The following COL28A1 variants were observed in gnomAD, a reference collection of about 807,000 sequenced individuals.
COL28A1 encodes the protein collagen type XXVIII alpha 1 chain, also known as collagen alpha-1(XXVIII) chain.
A neutral mutation model predicts 150.2 loss-of-function variants in COL28A1; 161 were observed. That is an observed-to-expected ratio of 1.07 (90% confidence interval 0.94 to 1.22). The LOEUF (loss-of-function observed/expected upper bound fraction) is 1.22. Ranked by LOEUF, COL28A1 falls within the 50% of genes most tolerant of loss-of-function variation. The pLI is 0.00. For missense variants in COL28A1, 1,617 were observed against 1,388.3 expected (o/e 1.16, Z -2.62); for synonymous variants, 552 against 469.7 (o/e 1.18, Z -2.26).
At chr7:7,540,234 C>G (rs1165105563), upstream of COL28A1, among the ~76,000 whole-genome samples, 1 of 152,162 alleles carries the variant, frequency 6.6e-6, no homozygotes, top group Non-Finnish European at 1.5e-5. Flanking sequence ...GCAGAGCCTA[C>G]AAATAGAGAA....
chr7:7,497,038 G>A (rs190598329), intron 11 of COL28A1, among the ~76,000 whole-genome samples: 1 of 141,062 alleles, frequency 7.1e-6, no homozygotes, highest in East Asian at 2.5e-4. Context: ...AGGAAGGAAG[G>A]AAAGGAGGGA....
At chr7:7,433,328 G>A (rs753773687) in intron 23 of COL28A1, among the ~76,000 whole-genome samples, 1 of 152,006 alleles carries the variant, frequency 6.6e-6, no homozygotes, top group Admixed American at 6.6e-5. Context: ...AATTAAGAAG[G>A]ATCTTTTAGA....
chr7:7,430,651 T>C (rs763357379), intron 25 of COL28A1, among the ~76,000 whole-genome samples: 3 of 152,234 alleles, frequency 2.0e-5, no homozygotes, highest in East Asian at 1.9e-4. Context: ...TTATTTTACA[T>C]AGAAATAAGC....
At chr7:7,394,366 G>A (rs139422418) in intron 27 of COL28A1, among the ~76,000 whole-genome samples, 1 of 152,164 alleles carries the variant, frequency 6.6e-6, no homozygotes, top group African/African-American at 2.4e-5. Context: ...GCAGACCAGA[G>A]CTGTTCCTAT....
chr7:7,448,798 T>C (rs1174853720), intron 18 of COL28A1, among the ~76,000 whole-genome samples: 1 of 152,224 alleles, frequency 6.6e-6, no homozygotes, highest in Non-Finnish European at 1.5e-5. Flanking sequence ...TTCATATATA[T>C]GCTACAACAT....
intron 18 of COL28A1, among the ~76,000 whole-genome samples, chr7:7,447,318 C>T (rs892847161): frequency 1.3e-5 from 2 of 152,084 alleles, no homozygotes; most frequent in Admixed American, 6.6e-5. Context: ...CCTGTACATG[C>T]CTGTAATCCC....
chr7:7,410,654 TAA>T (rs35890839), intron 27 of COL28A1, among the ~76,000 whole-genome samples: 1 of 150,776 alleles, frequency 6.6e-6, no homozygotes, highest in African/African-American at 2.4e-5. Context: ...TTTTTTTTTT[TAA>T]ATGCTGTTGT....
At chr7:7,415,212 T>A (rs997863910) in intron 27 of COL28A1, among the ~76,000 whole-genome samples, 3 of 152,202 alleles carry the variant, frequency 2.0e-5, no homozygotes, top group Non-Finnish European at 4.4e-5. Flanking sequence ...AAGCTTTCCG[T>A]CAAAGGCTAC....
intron 13 of COL28A1, among the ~76,000 whole-genome samples, chr7:7,483,433 G>T (rs1779458754): frequency 6.6e-6 from 1 of 152,146 alleles, no homozygotes; most frequent in Non-Finnish European, 1.5e-5. Flanking sequence ...TGTCTGCTTG[G>T]CTTGGGCTCA....
chr7:7,423,796 C>T (rs559289678), intron 25 of COL28A1, among the ~76,000 whole-genome samples: 1 of 152,222 alleles, frequency 6.6e-6, no homozygotes, highest in African/African-American at 2.4e-5. Flanking sequence ...CTTGTCAATG[C>T]TCAGTGTTGC....
intron 27 of COL28A1, among the ~76,000 whole-genome samples, chr7:7,406,545 A>G (rs544631793): frequency 6.6e-6 from 1 of 152,302 alleles, no homozygotes; most frequent in Non-Finnish European, 1.5e-5. Context: ...TGATAGTGCT[A>G]TGAAAACAAT....
intron 27 of COL28A1, among the ~76,000 whole-genome samples, chr7:7,415,151 T>C (rs892723565): frequency 6.6e-6 from 1 of 152,162 alleles, no homozygotes; most frequent in African/African-American, 2.4e-5. Flanking sequence ...TGGAAGGGGA[T>C]AGAGAGACAG....
chr7:7,528,166 C>T (rs1208081818), intron 3 of COL28A1, among the ~76,000 whole-genome samples: 1 of 152,066 alleles, frequency 6.6e-6, no homozygotes, highest in African/African-American at 2.4e-5. Context: ...TTTGTCACAA[C>T]CCTTATTTCC....
At chr7:7,408,869 G>A (rs1294599) in intron 27 of COL28A1, among the ~76,000 whole-genome samples, 15,301 of 152,104 alleles carry the variant, frequency 0.1, 918 homozygotes, top group Middle Eastern at 0.22. Flanking sequence ...AAAATTTTGA[G>A]TGACACTTTG....
chr7:7,459,834 C>G (rs1247164895), intron 15 of COL28A1, among the ~76,000 whole-genome samples: 1 of 152,184 alleles, frequency 6.6e-6, no homozygotes, highest in Non-Finnish European at 1.5e-5. Flanking sequence ...ACAAGGCCAC[C>G]CCATGACTGT....
intron 15 of COL28A1, among the ~76,000 whole-genome samples, chr7:7,457,018 A>G (rs998004930): frequency 2.0e-5 from 3 of 152,216 alleles, no homozygotes; most frequent in African/African-American, 7.2e-5. Flanking sequence ...GATGCCTGAC[A>G]TGTTCCAGAA....
chr7:7,457,842 G>A (rs1343500827), intron 15 of COL28A1, among the ~76,000 whole-genome samples: 2 of 152,192 alleles, frequency 1.3e-5, no homozygotes, highest in Non-Finnish European at 2.9e-5. Context: ...CCGCTGGATT[G>A]AGTAACATGG....
At chr7:7,417,405 T>G in intron 27 of COL28A1, among the ~76,000 whole-genome samples, 1 of 149,702 alleles carries the variant, frequency 6.7e-6, no homozygotes, top group Non-Finnish European at 1.5e-5. Flanking sequence ...GCATTAGTAC[T>G]ATCCAAAAGC....
chr7:7,406,112 C>T (rs1372453507), intron 27 of COL28A1, among the ~76,000 whole-genome samples: 1 of 152,120 alleles, frequency 6.6e-6, no homozygotes, highest in African/African-American at 2.4e-5. Context: ...CAAGTAAGTG[C>T]CTACCTGCTA....
Sources: allele counts gnomAD v4.1 joint callset (sites outside exome capture counted in the v4.1 genomes callset), GRCh38; gene constraint gnomAD v4.1.1; transcripts MANE v1.5; gene names NCBI Gene and HGNC (gene_info 2026-07-23, HGNC 2026-07-21).